Variants in HSPG2 observed in about 807,000 individuals in gnomAD.
HSPG2 encodes the protein heparan sulfate proteoglycan 2.
HSPG2 carries 278 observed loss-of-function variants against 526.6 expected under a neutral mutation model. That is an observed-to-expected ratio of 0.53 (90% CI 0.48 to 0.58). HSPG2 has a LOEUF of 0.58. Among genes scored for constraint, HSPG2 ranks in the 20% least tolerant of loss-of-function variants. The pLI is 0.00. For missense variants in HSPG2, 5,354 were observed against 6,099.5 expected, an observed-to-expected ratio of 0.88 and a Z score of 4.07; for synonymous variants, 2,465 against 2,555.4, an observed-to-expected ratio of 0.96 and a Z score of 1.07.
At chr1:21,897,147 G>T (rs1020332267) in intron 1 of HSPG2, among the ~76,000 whole-genome samples, 5 of 152,290 alleles carry the variant, frequency 3.3e-5, no homozygotes, top group Admixed American at 1.3e-4. Flanking sequence ...ACAAGATCCG[G>T]ATGATTCCAA....
Position 21,904,065 on chromosome 1 carries a change from C to G in HSPG2, c.64-7755G>C, listed in dbSNP as rs562038175. Among the ~76,000 whole-genome samples, 1 of 152,084 alleles carries G rather than the reference C, an allele frequency of 6.6e-6. No individual in the cohort carries two copies. Among genetic ancestry groups the G allele is most frequent in the African/African-American group, 2.4e-5 (1 of 41,404 alleles). The stretch of plus-strand genomic sequence containing the variant: ...CGGGGTACCTACTATGTGCTGGGCC[C>G]GGGGGACAAAATGTGAAATGGACAC... On this transcript the variant is annotated intron_variant, in intron 1 of 96. Transcript: ENST00000374695. The surrounding 1 kb of genome is among the most constrained non-coding windows in gnomAD (Gnocchi z 4.4).
In HSPG2 at chr1:21,842,330, G is replaced by A. The variant is rs369899077; in HGVS notation, c.8961C>T (p.Gly2987=). Residue 2987 remains glycine, a synonymous_variant, in exon 68 of 97, where the codon GGC becomes GGT. Coordinates refer to ENST00000374695, the MANE Select transcript of HSPG2 (RefSeq NM_005529.7). ...CGCTGGCTGCACGACACACATACTC[G>A]CCTGAGTCGGCAGGGGAGACGAGGT... ...RLHLVSPADS[G]EYVCRAASGP... 557 of 1,611,692 alleles carry A rather than the reference G, an allele frequency of 3.5e-4. 2 individuals are homozygous for A. Among genetic ancestry groups the A allele is most frequent in the Non-Finnish European group, 4.2e-4 (496 of 1,178,874 alleles).
intron 49 of HSPG2, 61 bp downstream of exon 49, chr1:21,854,550 C>T: frequency 1.3e-6 from 2 of 1,512,766 alleles, no homozygotes; most frequent in South Asian, 2.5e-5. Flanking sequence ...GCGTACAGGC[C>T]CCGCCTCCGC....
intron 1 of HSPG2, among the ~76,000 whole-genome samples, chr1:21,925,673 CAGCCTCCTATA>C (rs544527361): frequency 6.6e-6 from 1 of 152,144 alleles, no homozygotes; most frequent in Non-Finnish European, 1.5e-5. Flanking sequence ...GGCAGACATG[CAGCCTCCTATA>C]ACCCTCTGCC....
At chr1:21,857,849 C>T (rs1177436795) in intron 42 of HSPG2, among the ~76,000 whole-genome samples, 1 of 152,166 alleles carries the variant, frequency 6.6e-6, no homozygotes, top group African/African-American at 2.4e-5. Flanking sequence ...TTCCCAGCCT[C>T]TCAAATCTAC....
chr1:21,824,619 C>A lies in HSPG2; in HGVS notation c.12666-4G>T. On this transcript the variant is annotated splice_region_variant and splice_polypyrimidine_tract_variant and intron_variant, in intron 92 of 96. Coordinates refer to ENST00000374695, the MANE Select transcript of HSPG2 (RefSeq NM_005529.7). This position sits in a 1 kb window ranked among gnomAD's most constrained non-coding sequence, Gnocchi z 5.9. The stretch of plus-strand genomic sequence containing the variant: ...GGTCTCGGGCACCTCGGGCAGGCTG[C>A]GGAGGAAGAGCGGGTGAGGGGACAG... 1 of 1,613,998 alleles carries A rather than the reference C, an allele frequency of 6.2e-7. No homozygotes were observed. The highest frequency in any genetic ancestry group is 1.1e-5 in the South Asian group (1 of 91,068).
At chr1:21,901,602 G>A (rs1169450445) in intron 1 of HSPG2, among the ~76,000 whole-genome samples, 5 of 152,098 alleles carry the variant, frequency 3.3e-5, no homozygotes, top group Middle Eastern at 3.2e-3. Flanking sequence ...GCCTTCAGCA[G>A]CCAGTCCACC....
intron 33 of HSPG2, chr1:21,870,825 T>C: frequency 1.0e-6 from 1 of 986,254 alleles, no homozygotes. Context: ...ACGCACGTCC[T>C]GGGCCTACCT....
In HSPG2 at chr1:21,864,346, C is replaced by T. The variant is rs1640057031; in HGVS notation, c.4627-133G>A. ...TCACAGGCCGGCGCCCCTCCTTCCC[C>T]ACTTCTGCTCAGTCTGTCCTCCCAC... On this transcript the variant is annotated intron_variant, in intron 36 of 96. Coordinates refer to ENST00000374695, the MANE Select transcript of HSPG2 (RefSeq NM_005529.7). The surrounding 1 kb of genome is among the most constrained non-coding windows in gnomAD (Gnocchi z 4.8). 1 of 747,358 alleles carries T rather than the reference C, an allele frequency of 1.3e-6. No homozygotes were observed. Among genetic ancestry groups the T allele is most frequent in the Middle Eastern group, 3.6e-4 (1 of 2,806 alleles). 46.3% of individuals were successfully genotyped at this position (747,358 alleles called of 1,614,324 possible).
intron 18 of HSPG2, 59 bp from the exon 19 acceptor site, chr1:21,878,722 A>T: frequency 6.8e-7 from 1 of 1,481,174 alleles, no homozygotes; most frequent in Non-Finnish European, 9.4e-7. Flanking sequence ...TTCTCCTCCC[A>T]CCCTGGGAAA....
intron 13 of HSPG2, among the ~76,000 whole-genome samples, chr1:21,884,222 A>G (rs917538660): frequency 2.0e-5 from 3 of 152,142 alleles, no homozygotes; most frequent in Admixed American, 2.0e-4. Flanking sequence ...GACACGAGAT[A>G]GTGGGTAACT....
At chr1:21,846,656 T>C (rs1638462782) in intron 62 of HSPG2, 57 bp from the exon 63 acceptor site, 10 of 1,595,188 alleles carry the variant, frequency 6.3e-6, no homozygotes, top group Non-Finnish European at 8.6e-6. Flanking sequence ...GGGAACAGGG[T>C]TGGTGGGACC....
Position 21,844,270 on chromosome 1 carries a change from C to T in HSPG2, c.8494G>A (p.Glu2832Lys), listed in dbSNP as rs757360257. Residue 2832 changes from glutamate to lysine, a missense_variant, in exon 65 of 97, where the codon GAG (glutamate) becomes AAG (lysine). Transcript: ENST00000374695. ...TCTGCCACTCGGGAGGAGGAGGGCT[C>T]GATGCGGATGGGTGGGGCTCCACCT... ...APGGAPPIRI[E>K]PSSSRVAEGQ... The T allele has an allele frequency of 2.2e-5, 36 of 1,613,390 alleles. No homozygotes were observed. The highest frequency in any genetic ancestry group is 2.8e-5 in the Non-Finnish European group (33 of 1,179,946).
At position 21,855,519 on chromosome 1, in the gene HSPG2, T is replaced by C. The variant is rs768192209; in HGVS notation, c.5854+4A>G. On this transcript the variant is annotated splice_donor_region_variant and intron_variant, in intron 46 of 96. Transcript: ENST00000374695. ...CGGCCCCCACCCTGAGCCCGGCCTCTCACCATGCACGTGGAGCACAGCCCT... is the reference window on the plus strand; with the variant it reads ...CGGCCCCCACCCTGAGCCCGGCCTCCCACCATGCACGTGGAGCACAGCCCT... 1 of 1,610,078 alleles carries C rather than the reference T, an allele frequency of 6.2e-7. No homozygotes were observed. The highest frequency in any genetic ancestry group is 1.1e-5 in the South Asian group (1 of 90,400).
At position 21,859,537 on chromosome 1, in the gene HSPG2, T is replaced by C. The variant is rs1343596932; in HGVS notation, c.5293+29A>G. The C allele has an allele frequency of 6.6e-7, 1 of 1,514,808 alleles. No individual in the cohort carries two copies. The highest frequency in any genetic ancestry group is 9.0e-7 in the Non-Finnish European group (1 of 1,109,552). 93.8% of individuals were successfully genotyped at this position (1,514,808 alleles called of 1,614,324 possible). The stretch of plus-strand genomic sequence containing the variant: ...CTGCAGCCCAGCCCAGGACAGGCAG[T>C]CTTGGTTACAGGGGGCGTAGGGACT... On this transcript the variant is annotated intron_variant, in intron 42 of 96. Coordinates refer to ENST00000374695, the MANE Select transcript of HSPG2 (RefSeq NM_005529.7). The surrounding 1 kb of genome is among the most constrained non-coding windows in gnomAD (Gnocchi z 5.3).
In HSPG2 at chr1:21,828,487, C is replaced by G; in HGVS notation, c.12238-61G>C. 1 of 1,558,142 alleles carries G rather than the reference C, an allele frequency of 6.4e-7. No individual in the cohort carries two copies. Among genetic ancestry groups the G allele is most frequent in the Non-Finnish European group, 8.8e-7 (1 of 1,138,350 alleles). The stretch of plus-strand genomic sequence containing the variant: ...CTGGGAGGCAGAGACCCAGGTGTAC[C>G]AGCAGGGAGAAGAATGCAGCAGAGG... On this transcript the variant is annotated intron_variant, in intron 88 of 96. Coordinates refer to ENST00000374695, the MANE Select transcript of HSPG2 (RefSeq NM_005529.7). The surrounding 1 kb of genome is among the most constrained non-coding windows in gnomAD (Gnocchi z 6.0).
In HSPG2 at chr1:21,875,679, G is replaced by A. The variant is rs1299225801; in HGVS notation, c.3252C>T (p.Ile1084=). The stretch of plus-strand genomic sequence containing the variant: ...AGGATGCTCGGATCAGGAGGGTGTC[G>A]ATGCCTGCCAGTGCCATCAGCAGGT... ...REHLLMALAG[I]DTLLIRASYA... Residue 1084 remains isoleucine (I), a synonymous_variant, in exon 25 of 97, where the codon ATC becomes ATT. Transcript: ENST00000374695. 6.2e-6 allele frequency: 10 copies of A among 1,603,812 alleles called. No individual in the cohort carries two copies. Among genetic ancestry groups the A allele is most frequent in the Middle Eastern group, 1.6e-4 (1 of 6,084 alleles).
At chr1:21,889,704 G>T in intron 6 of HSPG2, 1 of 489,814 alleles carries the variant, frequency 2.0e-6, no homozygotes, top group Non-Finnish European at 3.7e-6. Context: ...TTTTGGACTT[G>T]GAAGTACAGG....
intron 1 of HSPG2, among the ~76,000 whole-genome samples, chr1:21,927,935 TG>T (rs1331376180): frequency 3.3e-5 from 5 of 152,226 alleles, no homozygotes; most frequent in Admixed American, 3.3e-4. Flanking sequence ...GGCTGTGCCC[TG>T]GGAACCCTGC....
Sources: allele counts gnomAD v4.1 joint callset (sites outside exome capture counted in the v4.1 genomes callset), GRCh38; gene constraint gnomAD v4.1.1; non-coding constraint Gnocchi (gnomAD v3.1); transcripts MANE v1.5; gene names NCBI Gene and HGNC (gene_info 2026-07-23, HGNC 2026-07-21).